RARA: variants seen among roughly 807,000 people sequenced by gnomAD.
RARA encodes the protein retinoic acid receptor alpha, also known as PML-DDX5-RARA fusion.
RARA carries 5 observed loss-of-function variants against 42.8 expected under a neutral mutation model. The observed-to-expected ratio is 0.12, with a 90% CI of 0.06 to 0.25. The LOEUF (loss-of-function observed/expected upper bound fraction) is 0.25, where lower values mean the gene tolerates loss of function less well. RARA is among the 10% of genes least tolerant of loss of function. The probability of loss-of-function intolerance (pLI) is 1.00; values close to 1 mark genes in which losing one functional copy is unlikely to be tolerated. For missense variants in RARA, 402 were observed against 628.7 expected, an observed-to-expected ratio of 0.64 and a Z score of 3.86; for synonymous variants, 256 against 259.5, an observed-to-expected ratio of 0.99 and a Z score of 0.13.
At chr17:40,324,977 G>T (rs1369834579) in intron 1 of RARA, among the ~76,000 whole-genome samples, 1 of 152,192 alleles carries the variant, frequency 6.6e-6, no homozygotes, top group Non-Finnish European at 1.5e-5. Context: ...GGCTGGCCGG[G>T]CGTGGTGGCT....
rs969509396 is a variant in RARA, at chr17:40,348,590, G to A, written c.327+126G>A. On this transcript the variant is annotated intron_variant, in intron 3 of 8. Coordinates refer to ENST00000254066, the MANE Select transcript of RARA (RefSeq NM_000964.4). ...TTGCTGCTCTTCTTTCTCTGTGGAA[G>A]TTGGCAGCAAGCAGGGACACCTACC... 1.4e-5 allele frequency: 18 copies of A among 1,300,448 alleles called. No homozygotes were observed. The African/African-American group carries it at 2.8e-4, about 20-fold the overall frequency. 80.6% of individuals were successfully genotyped at this position (1,300,448 alleles called of 1,614,324 possible).
rs1014724533 is a variant in RARA, at chr17:40,320,870, ACACC to A, written c.-362-9984_-362-9981del. Reference sequence around the variant, plus strand: ...GGTAATCTCCGCTTGCTCAGTACCCACACCCATCTTGTGTCGGTAGTTTTGGGAG... The same window carrying A: ...GGTAATCTCCGCTTGCTCAGTACCCACATCTTGTGTCGGTAGTTTTGGGAG... On this transcript the variant is annotated intron_variant, in intron 1 of 8. Coordinates refer to ENST00000254066, the MANE Select transcript of RARA (RefSeq NM_000964.4). This position sits in a 1 kb window ranked among gnomAD's most constrained non-coding sequence, Gnocchi z 4.1. Among the ~76,000 whole-genome samples the A allele has an allele frequency of 2.0e-5, 3 of 152,074 alleles. No homozygotes were observed. Among genetic ancestry groups the A allele is most frequent in the Admixed American group, 2.0e-4 (3 of 15,270 alleles).
intron 2 of RARA, among the ~76,000 whole-genome samples, chr17:40,346,819 C>G (rs1449066972): frequency 6.6e-6 from 1 of 152,186 alleles, no homozygotes; most frequent in African/African-American, 2.4e-5. Context: ...CATCAACTGT[C>G]CCATTGCTGC....
At chr17:40,334,844 A>G (rs1323992637) in intron 2 of RARA, among the ~76,000 whole-genome samples, 1 of 152,098 alleles carries the variant, frequency 6.6e-6, no homozygotes, top group Non-Finnish European at 1.5e-5. Context: ...CGCCCTTCAG[A>G]GACCTAGTAG....
Position 40,355,531 on chromosome 17 carries a change from C to A in RARA, c.1171+110C>A. ...GCCAGGACAATACGACACCTGTCCCCATCTGTGTCTAGGCTGAGGTCCCCT... is the reference window on the plus strand; with the variant it reads ...GCCAGGACAATACGACACCTGTCCCAATCTGTGTCTAGGCTGAGGTCCCCT... On this transcript the variant is annotated intron_variant, in intron 8 of 8. Transcript: ENST00000254066. This position sits in a 1 kb window ranked among gnomAD's most constrained non-coding sequence, Gnocchi z 4.1. 2 of 1,396,276 alleles carry A rather than the reference C, an allele frequency of 1.4e-6. No homozygotes were observed. The highest frequency in any genetic ancestry group is 1.9e-6 in the Non-Finnish European group (2 of 1,041,710). The allele number at this position is 1,396,276 out of a possible 1,614,324, so 86.5% of individuals were successfully genotyped here.
intron 1 of RARA, among the ~76,000 whole-genome samples, chr17:40,315,138 A>G (rs59787215): frequency 0.086 from 6,116 of 70,800 alleles, 599 homozygotes; most frequent in African/African-American, 0.32. Context: ...ATGTGTATAT[A>G]TATATATATA....
At chr17:40,315,189 C>CACACAA (rs1555569264) in intron 1 of RARA, among the ~76,000 whole-genome samples, 19 of 143,378 alleles carry the variant, frequency 1.3e-4, no homozygotes, top group African/African-American at 4.4e-4. Context: ...CACACACACA[C>CACACAA]ACACACGTAT....
At chr17:40,333,681 G>C (rs2033765501) in intron 2 of RARA, among the ~76,000 whole-genome samples, 1 of 151,786 alleles carries the variant, frequency 6.6e-6, no homozygotes, top group Non-Finnish European at 1.5e-5. Context: ...CTGTCTCCCA[G>C]GCTGGAGTGC....
chr17:40,342,868 G>T, intron 2 of RARA: 2 of 1,610,488 alleles, frequency 1.2e-6, no homozygotes, highest in Non-Finnish European at 1.7e-6. Context: ...TCAAACCACT[G>T]TACGTACCGG....
At chr17:40,331,475 C>G in intron 2 of RARA, 79 bp downstream of exon 2, 1 of 1,460,680 alleles carries the variant, frequency 6.8e-7, no homozygotes, top group Non-Finnish European at 9.2e-7. Context: ...CTGGGCACGT[C>G]TGTTCTGCTG....
rs576205783 is a variant in RARA, at chr17:40,355,800, T to G, written c.1172-209T>G. ...CTAGCCCAGGCCGGCAGTCTGGCCC[T>G]GGAGCCGGAGTTCGGGACCACTTTG... On this transcript the variant is annotated intron_variant, in intron 8 of 8. Transcript: ENST00000254066. The surrounding 1 kb of genome is among the most constrained non-coding windows in gnomAD (Gnocchi z 4.1). 2.6e-4 allele frequency among the ~76,000 whole-genome samples: 40 copies of G among 152,354 alleles called. No homozygotes were observed. Among genetic ancestry groups the G allele is most frequent in the Middle Eastern group, 3.4e-3 (1 of 294 alleles).
rs200674161 is a variant in RARA, at chr17:40,356,663, G to A, written c.*437G>A. 1 of 536,044 alleles carries A rather than the reference G, an allele frequency of 1.9e-6. No homozygotes were observed. Among genetic ancestry groups the A allele is most frequent in the African/African-American group, 1.9e-5 (1 of 53,904 alleles). The allele number at this position is 536,044 out of a possible 1,614,324, so 33.2% of individuals were successfully genotyped here. On this transcript the variant is annotated 3_prime_UTR_variant, in exon 9 of 9. Transcript: ENST00000254066. The stretch of plus-strand genomic sequence containing the variant: ...CCTGCCTCGGTTGGTGACAGAGGGG[G>A]TGGGACAGGGGCGGGGGGTTCCCCC...
intron 2 of RARA, chr17:40,341,539 G>A: frequency 6.9e-7 from 1 of 1,448,882 alleles, no homozygotes; most frequent in Non-Finnish European, 9.1e-7. Flanking sequence ...GGGGGAGGTG[G>A]CCCGGTTCGG....
At position 40,345,632 on chromosome 17, in the gene RARA, C is replaced by T. The variant is rs1008317753; in HGVS notation, c.179-2684C>T. Among the ~76,000 whole-genome samples, 3 of 152,252 alleles carry T rather than the reference C, an allele frequency of 2.0e-5. No homozygotes were observed. The highest frequency in any genetic ancestry group is 4.4e-5 in the Non-Finnish European group (3 of 68,040). Reference sequence around the variant, plus strand: ...TCCAGTCCTCTGTTGGGCGCTGGAACTTTGAGCTGAGAAGGTGTGGTCCTT... The same window carrying T: ...TCCAGTCCTCTGTTGGGCGCTGGAATTTTGAGCTGAGAAGGTGTGGTCCTT... On this transcript the variant is annotated intron_variant, in intron 2 of 8. Coordinates refer to ENST00000254066, the MANE Select transcript of RARA (RefSeq NM_000964.4). This position sits in a 1 kb window ranked among gnomAD's most constrained non-coding sequence, Gnocchi z 4.8.
chr17:40,315,778 C>G (rs2033201194), intron 1 of RARA, among the ~76,000 whole-genome samples: 1 of 152,144 alleles, frequency 6.6e-6, no homozygotes, highest in Admixed American at 6.5e-5. Flanking sequence ...TGGTACCTGT[C>G]CAGACTCTCT....
rs1303294811 is a variant in RARA at position 40,356,320 on chromosome 17, A to G, written c.*94A>G. On this transcript the variant is annotated 3_prime_UTR_variant, in exon 9 of 9. Transcript: ENST00000254066. ...GTGACCCCGCACCAGCCCTGCCCCC[A>G]CCTGCCCTCCCGGGCAGTACTGGGG... 5 of 1,338,494 alleles carry G rather than the reference A, an allele frequency of 3.7e-6. No individual in the cohort carries two copies. Among genetic ancestry groups the G allele is most frequent in the Non-Finnish European group, 4.2e-6 (4 of 962,738 alleles). 82.9% of individuals were successfully genotyped at this position (1,338,494 alleles called of 1,614,324 possible). A position where few individuals can be genotyped will look rare whatever the true frequency, so the allele number is the denominator to read the frequency against.
chr17:40,341,744 C>G (rs564052972), intron 2 of RARA: 4 of 1,294,880 alleles, frequency 3.1e-6, no homozygotes, highest in East Asian at 6.3e-5. Context: ...GGGACCACCC[C>G]CCTCTTCCCC....
At chr17:40,349,531 T>C in intron 3 of RARA, 1 of 432,744 alleles carries the variant, frequency 2.3e-6, no homozygotes. Context: ...AAGGGAGGAG[T>C]CAGGTGTGTG....
At chr17:40,319,761 C>G (rs986382997) in intron 1 of RARA, among the ~76,000 whole-genome samples, 58 of 146,300 alleles carry the variant, frequency 4.0e-4, no homozygotes, top group Non-Finnish European at 6.6e-4. Context: ...GAGGCTGTGC[C>G]GGGGAAGCCC....
Sources: allele counts gnomAD v4.1 joint callset (sites outside exome capture counted in the v4.1 genomes callset), GRCh38; gene constraint gnomAD v4.1.1; non-coding constraint Gnocchi (gnomAD v3.1); transcripts MANE v1.5; gene names NCBI Gene and HGNC (gene_info 2026-07-23, HGNC 2026-07-21).